SCP2: variants seen among roughly 807,000 people sequenced by gnomAD.
SCP2 encodes the protein sterol carrier protein 2, also known as SCP-2/3-oxoacyl-CoA thiolase.
A neutral mutation model predicts 71.4 loss-of-function variants in SCP2; 48 were observed. The observed-to-expected ratio is 0.67, with a 90% CI of 0.53 to 0.86. SCP2 has a LOEUF of 0.86. SCP2 is among the 40% of genes least tolerant of loss of function. SCP2 has a pLI of 0.00. For synonymous variants in SCP2, 220 were observed against 218.1 expected, an observed-to-expected ratio of 1.01 and a Z score of -0.08; for missense variants, 560 against 655.6, an observed-to-expected ratio of 0.85 and a Z score of 1.59.
At chr1:52,991,290 A>G (rs979472142) in intron 11 of SCP2, among the ~76,000 whole-genome samples, 1 of 152,236 alleles carries the variant, frequency 6.6e-6, no homozygotes, top group African/African-American at 2.4e-5. Flanking sequence ...TAGGAACACA[A>G]TAACTTCCAG....
At chr1:53,035,541 A>G (rs920563696) in intron 13 of SCP2, among the ~76,000 whole-genome samples, 1 of 152,308 alleles carries the variant, frequency 6.6e-6, no homozygotes, top group South Asian at 2.1e-4. Context: ...AACTCCAACA[A>G]CATTTTGGGA....
At chr1:52,936,681 C>CT (rs1572045551) in intron 1 of SCP2, among the ~76,000 whole-genome samples, 1 of 152,236 alleles carries the variant, frequency 6.6e-6, no homozygotes, top group East Asian at 1.9e-4. Context: ...TTAAAAGACA[C>CT]TTTTTTAAAA....
At chr1:53,025,214 G>A (rs1051531179) in intron 12 of SCP2, among the ~76,000 whole-genome samples, 23 of 149,356 alleles carry the variant, frequency 1.5e-4, no homozygotes, top group African/African-American at 4.5e-4. Flanking sequence ...TCTTGCTCCC[G>A]GCTCCTATGA....
chr1:53,018,877 G>A (rs1557612563), intron 12 of SCP2, among the ~76,000 whole-genome samples: 1 of 152,040 alleles, frequency 6.6e-6, no homozygotes, highest in African/African-American at 2.4e-5. Context: ...TCCCTGTCAG[G>A]AGAAATCCCT....
chr1:52,998,371 G>A (rs916490081), intron 11 of SCP2, among the ~76,000 whole-genome samples: 24 of 152,290 alleles, frequency 1.6e-4, no homozygotes, highest in African/African-American at 5.8e-4. Context: ...TGAGGTGGGA[G>A]GATTGCTTGA....
At position 52,960,692 on chromosome 1, in the gene SCP2, G is replaced by A. The variant is rs983715380; in HGVS notation, c.397-811G>A. On this transcript the variant is annotated intron_variant, in intron 5 of 15. Coordinates refer to ENST00000371514, the MANE Select transcript of SCP2 (RefSeq NM_002979.5). ...TGTATGTGTATATATATGTATATAT[G>A]TGTGTTGTGTGTATATATTATGTGC... 3.4e-5 allele frequency among the ~76,000 whole-genome samples: 5 copies of A among 146,320 alleles called. No individual in the cohort carries two copies. The East Asian group carries it at 6.0e-4, about 18-fold the overall frequency.
chr1:52,972,524 A>G (rs1416144984), intron 6 of SCP2, among the ~76,000 whole-genome samples: 1 of 152,208 alleles, frequency 6.6e-6, no homozygotes, highest in Non-Finnish European at 1.5e-5. Flanking sequence ...TCTTCCTACC[A>G]ATCTATGCAT....
At chr1:53,020,306 T>G (rs1230127531) in intron 12 of SCP2, among the ~76,000 whole-genome samples, 1 of 152,206 alleles carries the variant, frequency 6.6e-6, no homozygotes, top group Non-Finnish European at 1.5e-5. Context: ...AATATGTACT[T>G]TAGGGATCAG....
intron 15 of SCP2, chr1:53,048,271 G>A (rs978711001): frequency 3.7e-5 from 13 of 354,228 alleles, no homozygotes; most frequent in African/African-American, 2.8e-4. Flanking sequence ...ATCAGGGAGA[G>A]CACCACAGAG....
At chr1:53,012,835 CTATT>C (rs1661069049) in intron 11 of SCP2, among the ~76,000 whole-genome samples, 1 of 152,158 alleles carries the variant, frequency 6.6e-6, no homozygotes, top group African/African-American at 2.4e-5. Flanking sequence ...AAAATGGTAT[CTATT>C]TGATTTTTAT....
intron 12 of SCP2, among the ~76,000 whole-genome samples, chr1:53,020,541 T>A (rs1661644855): frequency 6.6e-6 from 1 of 152,138 alleles, no homozygotes; most frequent in Non-Finnish European, 1.5e-5. Flanking sequence ...TCAAGCAGTC[T>A]GCCCACCTCA....
chr1:52,948,624 C>CAA lies in SCP2; in HGVS notation c.199+563_199+564dup, dbSNP rs567151231. On this transcript the variant is annotated intron_variant, in intron 3 of 15. Transcript: ENST00000371514. ...TGGGCAACAGAGCAAGACTCCATCTCAAAAAAAAAAAAAAAAAAAAGCATA... is the reference window on the plus strand; with the variant it reads ...TGGGCAACAGAGCAAGACTCCATCTCAAAAAAAAAAAAAAAAAAAAAAGCATA... Among the ~76,000 whole-genome samples, 444 of 49,364 alleles carry CAA rather than the reference C, an allele frequency of 9.0e-3. 4 individuals are homozygous for CAA. The Middle Eastern group carries it at 0.11, about 12-fold the overall frequency. The allele number at this position is 49,364 out of a possible 152,430, so 32.4% of individuals were successfully genotyped here.
intron 11 of SCP2, among the ~76,000 whole-genome samples, chr1:52,991,155 A>G (rs1419738699): frequency 1.3e-5 from 2 of 152,228 alleles, no homozygotes; most frequent in Non-Finnish European, 2.9e-5. Context: ...TATGTAGCTT[A>G]GCCAGTTAAT....
rs1489124272 is a variant in SCP2, at chr1:53,038,843, TA to T, written c.1339-71del. Reference sequence around the variant, plus strand: ...CGTATACTCATATCATGTATCTATTTAAACATGAATTTGCTTGAGGAGAAAG... The same window carrying T: ...CGTATACTCATATCATGTATCTATTTAACATGAATTTGCTTGAGGAGAAAG... On this transcript the variant is annotated intron_variant, in intron 13 of 15. Transcript: ENST00000371514. The T allele has an allele frequency of 1.3e-5, 20 of 1,567,052 alleles. No individual in the cohort carries two copies. The African/African-American group carries it at 2.7e-4, about 21-fold the overall frequency.
chr1:52,943,256 T>G (rs1302508938), intron 2 of SCP2, among the ~76,000 whole-genome samples: 1 of 151,222 alleles, frequency 6.6e-6, no homozygotes, highest in African/African-American at 2.4e-5. Context: ...GGAGTCTTGC[T>G]CTGTCGCCCA....
intron 12 of SCP2, among the ~76,000 whole-genome samples, chr1:53,015,530 A>G (rs1661275014): frequency 6.6e-6 from 1 of 152,082 alleles, no homozygotes; most frequent in Non-Finnish European, 1.5e-5. Flanking sequence ...TTTCTTTCGC[A>G]TCCCACTCAG....
At chr1:53,023,244 A>G (rs4378148) in intron 12 of SCP2, among the ~76,000 whole-genome samples, 20,796 of 152,136 alleles carry the variant, frequency 0.14, 2,008 homozygotes, top group East Asian at 0.32. Context: ...GATAAAAGAC[A>G]CACCTGTGAC....
intron 11 of SCP2, among the ~76,000 whole-genome samples, chr1:53,007,549 G>T (rs2150218632): frequency 6.6e-6 from 1 of 152,180 alleles, no homozygotes; most frequent in African/African-American, 2.4e-5. Context: ...ATGAAATGAA[G>T]GAAGAAATAA....
At chr1:52,993,145 A>C in intron 11 of SCP2, 18 of 1,567,104 alleles carry the variant, frequency 1.1e-5, no homozygotes, top group African/African-American at 2.7e-5. Flanking sequence ...GAGGAGAGGA[A>C]GAGAAGATGA....
Sources: gnomAD v4.1 joint callset for allele counts (sites outside exome capture counted in the v4.1 genomes callset) on GRCh38, gnomAD v4.1.1 for gene constraint, MANE v1.5 for transcripts, NCBI Gene and HGNC (gene_info 2026-07-23, HGNC 2026-07-21) for gene names.